Variants in DDX46 observed in about 807,000 individuals in gnomAD.
DDX46 encodes probable ATP-dependent RNA helicase DDX46.
DDX46 carries 30 observed loss-of-function variants against 134.9 expected under a neutral mutation model. That is an observed-to-expected ratio of 0.22 (90% CI 0.17 to 0.30). The LOEUF is 0.30. Ranked by LOEUF, DDX46 falls within the 10% of genes least tolerant of loss-of-function variation. The pLI, the probability that DDX46 is intolerant of heterozygous loss-of-function variation, is 1.00. For missense variants in DDX46, 622 were observed against 1,248.7 expected, an observed-to-expected ratio of 0.50 and a Z score of 7.56; for synonymous variants, 415 against 404.1, an observed-to-expected ratio of 1.03 and a Z score of -0.32.
chr5:134,794,807 A>T (rs1244114955), intron 13 of DDX46, 43 bp from the exon 14 acceptor site: 1 of 1,604,544 alleles, frequency 6.2e-7, no homozygotes, highest in African/African-American at 1.3e-5. Flanking sequence ...AGCTTTGAAG[A>T]CCATATTTAC....
chr5:134,776,692 G>A (rs1753947394), intron 5 of DDX46, among the ~76,000 whole-genome samples: 1 of 152,002 alleles, frequency 6.6e-6, no homozygotes, highest in Non-Finnish European at 1.5e-5. Flanking sequence ...TGAGGTGGGT[G>A]GATCACAAGG....
intron 5 of DDX46, among the ~76,000 whole-genome samples, chr5:134,776,936 G>A (rs971593041): frequency 4.7e-5 from 7 of 149,678 alleles, no homozygotes; most frequent in East Asian, 2.0e-4. Flanking sequence ...AAAAAGGCCA[G>A]GCGTGGTGGC....
In DDX46 at chr5:134,807,945, A is replaced by G. The variant is rs200296518; in HGVS notation, c.2148+4A>G. ...GACTGGAAGAGCAGGAAACAAGGTA[A>G]AAATAAGTTTTTTATAGTTGATCTT... is the stretch of plus-strand genomic sequence containing the variant. On this transcript the variant is annotated splice_donor_region_variant and intron_variant, in intron 16 of 22. Transcript: ENST00000452510. The G allele has an allele frequency of 3.0e-4, 479 of 1,582,134 alleles. 4 individuals carry two copies. In the East Asian group the frequency reaches 0.01, roughly 34 times the overall value.
intron 15 of DDX46, among the ~76,000 whole-genome samples, chr5:134,800,923 G>C (rs192207866): frequency 2.0e-5 from 3 of 152,240 alleles, no homozygotes; most frequent in Non-Finnish European, 4.4e-5. Context: ...TGATCCACCT[G>C]CCTCAGCCTC....
In DDX46 at chr5:134,765,803, G is replaced by A. The variant is rs555588983; in HGVS notation, c.207-1114G>A. Among the ~76,000 whole-genome samples the A allele has an allele frequency of 5.3e-5, 8 of 152,248 alleles. No individual in the cohort carries two copies. The South Asian group carries it at 8.3e-4, about 16-fold the overall frequency. ...AGACATTGGAGTACATTGTTGTTACGTAGGATTCAGGGAAAATATTCACCC... is the reference window on the plus strand; with the variant it reads ...AGACATTGGAGTACATTGTTGTTACATAGGATTCAGGGAAAATATTCACCC... On this transcript the variant is annotated intron_variant, in intron 2 of 22. Transcript: ENST00000452510.
At chr5:134,824,313 C>A (rs1210776994) in intron 21 of DDX46, among the ~76,000 whole-genome samples, 1 of 152,158 alleles carries the variant, frequency 6.6e-6, no homozygotes, top group African/African-American at 2.4e-5. Flanking sequence ...ATGATAATGG[C>A]CGGGCGCGGT....
At chr5:134,794,435 C>T (rs1267443091) in intron 13 of DDX46, among the ~76,000 whole-genome samples, 1 of 152,122 alleles carries the variant, frequency 6.6e-6, no homozygotes, top group African/African-American at 2.4e-5. Flanking sequence ...GATACAGATT[C>T]CTGGTGATTC....
At chr5:134,783,233 C>G (rs997971661) in intron 9 of DDX46, among the ~76,000 whole-genome samples, 168 bp downstream of exon 9, 8 of 151,816 alleles carry the variant, frequency 5.3e-5, no homozygotes, top group Middle Eastern at 3.4e-3. Context: ...AATTATACAA[C>G]TGGTTTTTTT....
chr5:134,782,794 G>C (rs1754195626), intron 8 of DDX46, 151 bp from the exon 9 acceptor site: 3 of 901,452 alleles, frequency 3.3e-6, no homozygotes, highest in Non-Finnish European at 4.7e-6. Context: ...GCCTGCGTCT[G>C]TCTCCCAAAG....
intron 21 of DDX46, among the ~76,000 whole-genome samples, chr5:134,821,905 T>G (rs1470270112): frequency 1.3e-5 from 2 of 150,738 alleles, no homozygotes; most frequent in African/African-American, 2.4e-5. Flanking sequence ...TGTTTTTTTT[T>G]TTTTTGAGAT....
Position 134,811,207 on chromosome 5 carries a change from T to C in DDX46, c.2149-14T>C, listed in dbSNP as rs1430862110. ...GTTAGTGTCTAATAATTGTACTTTT[T>C]CATCATGCATTAGGGTTATGCTTAT... On this transcript the variant is annotated splice_polypyrimidine_tract_variant and intron_variant, in intron 16 of 22. Transcript: ENST00000452510. The C allele has an allele frequency of 6.2e-7, 1 of 1,610,834 alleles. No individual in the cohort carries two copies. Among genetic ancestry groups the C allele is most frequent in the African/African-American group, 1.3e-5 (1 of 74,830 alleles).
At chr5:134,792,562 A>G (rs778961815) in intron 13 of DDX46, among the ~76,000 whole-genome samples, 3 of 152,168 alleles carry the variant, frequency 2.0e-5, no homozygotes, top group Non-Finnish European at 4.4e-5. Flanking sequence ...ATCATGTGAA[A>G]TCTTAGATTT....
rs754539239 is a variant in DDX46 at position 134,784,477 on chromosome 5, T to TCTGTTG, written c.1280_1285dup (p.Leu427_Leu428dup). On this transcript the variant is annotated inframe_insertion, in exon 10 of 23. Coordinates refer to ENST00000452510, the MANE Select transcript of DDX46 (RefSeq NM_001300860.2). Reference sequence around the variant, plus strand: ...CAGGAAGTGGAAAGACCATTGCTTTTCTGTTGCCCATGTTTAGACACATCA... The same window carrying TCTGTTG: ...CAGGAAGTGGAAAGACCATTGCTTTTCTGTTGCTGTTGCCCATGTTTAGACACATCA... 6.2e-7 allele frequency: 1 copy of TCTGTTG among 1,614,170 alleles called. No homozygotes were observed. The highest frequency in any genetic ancestry group is 8.5e-7 in the Non-Finnish European group (1 of 1,180,008).
chr5:134,811,428 G>T, intron 17 of DDX46, 70 bp downstream of exon 17: 2 of 1,537,900 alleles, frequency 1.3e-6, no homozygotes, highest in Non-Finnish European at 1.8e-6. Flanking sequence ...TTTAATTCTT[G>T]GAAATCTTTT....
chr5:134,786,109 A>G (rs1754325580), intron 11 of DDX46, among the ~76,000 whole-genome samples: 3 of 152,114 alleles, frequency 2.0e-5, no homozygotes, highest in Admixed American at 1.3e-4. Flanking sequence ...TCGGCCTCCC[A>G]AAGTGTTGGG....
chr5:134,811,063 A>G (rs1490002277), intron 16 of DDX46, among the ~76,000 whole-genome samples, 158 bp from the exon 17 acceptor site: 1 of 152,218 alleles, frequency 6.6e-6, no homozygotes, highest in Non-Finnish European at 1.5e-5. Flanking sequence ...ACTTTGAACC[A>G]TTAAGTAATT....
rs1004624042 is a variant in DDX46 at position 134,790,634 on chromosome 5, C to T, written c.1626+82C>T. Reference sequence around the variant, plus strand: ...TGAGAATGAAATGTTCATGTGGTTTCTGAAATTCACACACACACTTTTCTG... The same window carrying T: ...TGAGAATGAAATGTTCATGTGGTTTTTGAAATTCACACACACACTTTTCTG... On this transcript the variant is annotated intron_variant, in intron 13 of 22. Coordinates refer to ENST00000452510, the MANE Select transcript of DDX46 (RefSeq NM_001300860.2). 12 of 1,192,602 alleles carry T rather than the reference C, an allele frequency of 1.0e-5. No homozygotes were observed. In the African/African-American group the frequency reaches 1.4e-4, roughly 14 times the overall value. The allele number at this position is 1,192,602 out of a possible 1,614,324, so 73.9% of individuals were successfully genotyped here.
intron 11 of DDX46, 23 bp downstream of exon 11, chr5:134,785,609 T>G (rs1580791837): frequency 6.3e-7 from 1 of 1,580,856 alleles, no homozygotes; most frequent in Non-Finnish European, 8.6e-7. Flanking sequence ...GAAACATTCA[T>G]GTTTTCCATT....
At chr5:134,799,495 T>C (rs111893584) in intron 15 of DDX46, among the ~76,000 whole-genome samples, 10 of 151,454 alleles carry the variant, frequency 6.6e-5, no homozygotes, top group Non-Finnish European at 1.5e-4. Context: ...CCCAGCACTT[T>C]GGGAGGTTGA....
Sources: allele counts gnomAD v4.1 joint callset (sites outside exome capture counted in the v4.1 genomes callset), GRCh38; gene constraint gnomAD v4.1.1; transcripts MANE v1.5; gene names NCBI Gene and HGNC (gene_info 2026-07-23, HGNC 2026-07-21).